RIMS2: variants seen among roughly 807,000 people sequenced by gnomAD.
RIMS2 encodes the protein regulating synaptic membrane exocytosis protein 2.
RIMS2 carries 59 observed loss-of-function variants against 174.4 expected under a neutral mutation model. The observed-to-expected ratio is 0.34, with a 90% CI of 0.27 to 0.42. RIMS2 has a LOEUF of 0.42. RIMS2 is among the 10% of genes least tolerant of loss of function. The pLI is 1.00. For synonymous variants in RIMS2, 606 were observed against 572.5 expected, an observed-to-expected ratio of 1.06 and a Z score of -0.84; for missense variants, 1,620 against 1,666.3, an observed-to-expected ratio of 0.97 and a Z score of 0.48.
chr8:103,789,041 C>T (rs1004698516), intron 3 of RIMS2, among the ~76,000 whole-genome samples: 4 of 151,540 alleles, frequency 2.6e-5, no homozygotes, highest in African/African-American at 7.3e-5. Flanking sequence ...TTTCCAGGTG[C>T]CGTCCGTCAC....
chr8:103,761,488 G>A (rs1591839376), intron 2 of RIMS2, among the ~76,000 whole-genome samples: 1 of 152,194 alleles, frequency 6.6e-6, no homozygotes, highest in South Asian at 2.1e-4. Context: ...CAGGTTCCCA[G>A]GCACCTTTTT....
chr8:103,609,824 C>T (rs1465000600), intron 1 of RIMS2, among the ~76,000 whole-genome samples: 1 of 152,086 alleles, frequency 6.6e-6, no homozygotes, highest in Non-Finnish European at 1.5e-5. Flanking sequence ...CTCTTTTTTG[C>T]TTCTGTATGA....
At chr8:103,722,651 A>G (rs7836355) in intron 2 of RIMS2, among the ~76,000 whole-genome samples, 18,880 of 152,154 alleles carry the variant, frequency 0.12, 1,274 homozygotes, top group Middle Eastern at 0.22. Context: ...CTCTCCCACC[A>G]CTAGCCTCCT....
At chr8:103,861,451 T>C (rs1236554272) in intron 3 of RIMS2, among the ~76,000 whole-genome samples, 1 of 152,164 alleles carries the variant, frequency 6.6e-6, no homozygotes, top group East Asian at 1.9e-4. Flanking sequence ...TATGAGTGCA[T>C]GTGTCTTTTT....
chr8:103,730,283 T>C (rs1284969201), intron 2 of RIMS2, among the ~76,000 whole-genome samples: 1 of 151,238 alleles, frequency 6.6e-6, no homozygotes, highest in Non-Finnish European at 1.5e-5. Context: ...TTTGCAATTG[T>C]TATATATATA....
Position 104,093,662 on chromosome 8 carries a change from C to T in RIMS2, c.3334+79047C>T. On this transcript the variant is annotated intron_variant, in intron 19 of 23. Transcript: ENST00000504942. ...AAATCAGGTAAGGGGATTTCAACAA[C>T]AAACTTCTCTAAATATGTTTTAGAA... 6.4e-7 allele frequency: 1 copy of T among 1,569,482 alleles called. No individual in the cohort carries two copies. Among genetic ancestry groups the T allele is most frequent in the Non-Finnish European group, 8.6e-7 (1 of 1,159,974 alleles).
chr8:104,017,130 A>AT (rs150701560), intron 19 of RIMS2, among the ~76,000 whole-genome samples: 9 of 149,906 alleles, frequency 6.0e-5, no homozygotes, highest in Non-Finnish European at 8.9e-5. Context: ...AGATTATGCA[A>AT]TTTTTTTTTT....
chr8:104,105,186 A>C (rs1051018825), intron 19 of RIMS2, among the ~76,000 whole-genome samples: 3 of 152,174 alleles, frequency 2.0e-5, no homozygotes, highest in Non-Finnish European at 4.4e-5. Context: ...AAAGGGAATA[A>C]AAGGGGTTGG....
chr8:103,916,913 C>A (rs1344250080), intron 8 of RIMS2, among the ~76,000 whole-genome samples: 2 of 152,090 alleles, frequency 1.3e-5, no homozygotes, highest in African/African-American at 2.4e-5. Context: ...AAAGGACATA[C>A]AATTCCTACA....
chr8:103,978,555 G>A (rs1195989043), intron 16 of RIMS2, among the ~76,000 whole-genome samples: 3 of 152,208 alleles, frequency 2.0e-5, no homozygotes, highest in African/African-American at 7.2e-5. Flanking sequence ...TTGCTCAATT[G>A]TATGCTCATA....
intron 1 of RIMS2, among the ~76,000 whole-genome samples, chr8:103,507,843 T>C (rs1264084195): frequency 6.6e-6 from 1 of 152,082 alleles, no homozygotes; most frequent in African/African-American, 2.4e-5. Context: ...AGATGAGTGA[T>C]AAAGAGTACA....
chr8:103,983,670 C>T (rs1215281154), intron 16 of RIMS2, among the ~76,000 whole-genome samples: 1 of 152,090 alleles, frequency 6.6e-6, no homozygotes, highest in Non-Finnish European at 1.5e-5. Context: ...TTCAATAAAT[C>T]GTGCTGGGAA....
intron 19 of RIMS2, among the ~76,000 whole-genome samples, chr8:104,062,627 G>A (rs2097022370): frequency 6.6e-6 from 1 of 152,104 alleles, no homozygotes; most frequent in Non-Finnish European, 1.5e-5. Context: ...TTTCTCATCT[G>A]TAATTGCCAC....
chr8:104,011,402 A>C (rs534570555), intron 17 of RIMS2, among the ~76,000 whole-genome samples: 13 of 152,202 alleles, frequency 8.5e-5, no homozygotes, highest in Admixed American at 2.6e-4. Context: ...ATATAAGTAA[A>C]ATGTAAAAGA....
At chr8:104,034,995 C>T (rs551863644) in intron 19 of RIMS2, among the ~76,000 whole-genome samples, 6 of 152,244 alleles carry the variant, frequency 3.9e-5, no homozygotes, top group Non-Finnish European at 7.4e-5. Context: ...AGAAGTTCTT[C>T]AGGCTTAATG....
intron 4 of RIMS2, among the ~76,000 whole-genome samples, chr8:103,896,133 C>T (rs1594747829): frequency 6.6e-6 from 1 of 151,622 alleles, no homozygotes; most frequent in East Asian, 1.9e-4. Flanking sequence ...CATGGTCTTC[C>T]TGTCAAATTT....
chr8:104,244,018 G>A (rs1046986304), intron 19 of RIMS2, among the ~76,000 whole-genome samples: 12 of 152,174 alleles, frequency 7.9e-5, no homozygotes, highest in Admixed American at 6.5e-4. Flanking sequence ...TGCTTACGAA[G>A]CTCTCTTCTC....
chr8:103,512,550 T>C (rs1172414911), intron 1 of RIMS2, among the ~76,000 whole-genome samples: 9 of 152,084 alleles, frequency 5.9e-5, no homozygotes, highest in Non-Finnish European at 2.9e-5. Context: ...CTAAGTTGTC[T>C]CTTAAAATTT....
intron 3 of RIMS2, among the ~76,000 whole-genome samples, chr8:103,817,993 A>G (rs550521291): frequency 6.6e-6 from 1 of 152,094 alleles, no homozygotes; most frequent in Non-Finnish European, 1.5e-5. Context: ...ATAATAAATA[A>G]TAGTGAAATA....
Sources: gnomAD v4.1 joint callset for allele counts (sites outside exome capture counted in the v4.1 genomes callset) on GRCh38, gnomAD v4.1.1 for gene constraint, MANE v1.5 for transcripts, NCBI Gene and HGNC (gene_info 2026-07-23, HGNC 2026-07-21) for gene names.